KMT2E: variants seen among roughly 807,000 people sequenced by gnomAD.
The protein encoded by KMT2E is histone reader KMT2E.
A neutral mutation model predicts 184.6 loss-of-function variants in KMT2E; 30 were observed. The ratio of observed to expected loss-of-function variants is 0.16; its 90% CI spans 0.12 to 0.22. The LOEUF is 0.22. Among genes scored for constraint, KMT2E ranks in the 10% least tolerant of loss-of-function variants. KMT2E has a pLI of 1.00. For missense variants in KMT2E, 2,023 were observed against 2,237.4 expected (o/e 0.90, Z 1.93); for synonymous variants, 815 against 776.5 (o/e 1.05, Z -0.82).
chr7:105,043,437 C>T (rs377111180), intron 3 of KMT2E, among the ~76,000 whole-genome samples: 7 of 151,728 alleles, frequency 4.6e-5, no homozygotes, highest in East Asian at 1.9e-4. Context: ...GGGGTTTCAC[C>T]GTTTTAGCCG....
intron 1 of KMT2E, among the ~76,000 whole-genome samples, chr7:105,032,180 A>G (rs966300188): frequency 6.6e-6 from 1 of 152,014 alleles, no homozygotes; most frequent in Non-Finnish European, 1.5e-5. Flanking sequence ...GTGGTGGCTC[A>G]AGCCTGTAAT....
chr7:105,037,788 T>C lies in KMT2E; in HGVS notation c.-188-338T>C, dbSNP rs6944666. Among the ~76,000 whole-genome samples the C allele has an allele frequency of 9.5e-3, 1,446 of 152,320 alleles. 30 individuals are homozygous for C. The highest frequency in any genetic ancestry group is 0.033 in the African/African-American group (1,385 of 41,572). ...CATTTTTCCTACTTGAGAGTCTTGTTTGTTTTTATTGTTTTTGTTTTGGTA... is the reference window on the plus strand; with the variant it reads ...CATTTTTCCTACTTGAGAGTCTTGTCTGTTTTTATTGTTTTTGTTTTGGTA... On this transcript the variant is annotated intron_variant, in intron 1 of 26. Transcript: ENST00000311117.
At position 105,112,379 on chromosome 7, in the gene KMT2E, C is replaced by T. The variant is rs941085744; in HGVS notation, c.4623C>T (p.Ser1541=). 5 of 1,612,780 alleles carry T rather than the reference C, an allele frequency of 3.1e-6. No homozygotes were observed. Among genetic ancestry groups the T allele is most frequent in the Non-Finnish European group, 4.2e-6 (5 of 1,180,010 alleles). ...YSQFNQQSLN[S]TAPPPPPPPP... ...AGTTTAACCAACAAAGTCTGAACAGCACGGCACCACCCCCTCCACCTCCTC... is the reference window on the plus strand; with the variant it reads ...AGTTTAACCAACAAAGTCTGAACAGTACGGCACCACCCCCTCCACCTCCTC... Residue 1541 remains serine, a synonymous_variant, in exon 27 of 27, where the codon AGC becomes AGT. Coordinates refer to ENST00000311117, the MANE Select transcript of KMT2E (RefSeq NM_182931.3).
At chr7:105,028,522 G>T (rs189715070) in intron 1 of KMT2E, among the ~76,000 whole-genome samples, 25 of 151,538 alleles carry the variant, frequency 1.6e-4, no homozygotes, top group Admixed American at 5.3e-4. Context: ...TTGAGGGATG[G>T]TCTCATTCAC....
In KMT2E at chr7:105,066,711, C is replaced by CT. The variant is rs543092880; in HGVS notation, c.417-4dup. On this transcript the variant is annotated splice_polypyrimidine_tract_variant and intron_variant, in intron 5 of 26. Transcript: ENST00000311117. The stretch of plus-strand genomic sequence containing the variant: ...CTTAAATAATATTACATATGTTCTG[C>CT]TTTTTTTTTTTTAAGCGTTTGGCAA... The CT allele has an allele frequency of 0.05, 56,491 of 1,124,646 alleles. 2 individuals carry two copies. The highest frequency in any genetic ancestry group is 0.055 in the Non-Finnish European group (43,764 of 801,982). The allele number at this position is 1,124,646 out of a possible 1,614,324, so 69.7% of individuals were successfully genotyped here.
At chr7:105,044,042 G>C (rs1387294327) in intron 3 of KMT2E, among the ~76,000 whole-genome samples, 1 of 152,190 alleles carries the variant, frequency 6.6e-6, no homozygotes, top group Non-Finnish European at 1.5e-5. Context: ...AGGCTGCAGT[G>C]AGCCATGATC....
chr7:105,113,025 A>C lies in KMT2E; in HGVS notation c.5269A>C (p.Thr1757Pro). ...ACTTTTTCCTTCGAGTGCTCATCCAACTGTACCACCGTATCCCTCACAAGC... is the reference window on the plus strand; with the variant it reads ...ACTTTTTCCTTCGAGTGCTCATCCACCTGTACCACCGTATCCCTCACAAGC... ...PPLFPSSAHP[T>P]VPPYPSQATH... Residue 1757 changes from threonine (T) to proline (P), a missense_variant, in exon 27 of 27, where the codon ACT becomes CCT. Physicochemically the swap from Thr to Pro is conservative, Grantham distance 38 (BLOSUM62 -1). Coordinates refer to ENST00000311117, the MANE Select transcript of KMT2E (RefSeq NM_182931.3). 2 of 1,613,714 alleles carry C rather than the reference A, an allele frequency of 1.2e-6. No individual in the cohort carries two copies. Among genetic ancestry groups the C allele is most frequent in the Non-Finnish European group, 1.7e-6 (2 of 1,179,926 alleles).
chr7:105,091,414 A>G lies in KMT2E; in HGVS notation c.1722+100A>G, dbSNP rs754833703. The G allele has an allele frequency of 4.7e-5, 35 of 743,708 alleles. No homozygotes were observed. The South Asian group carries it at 4.7e-4, about 10-fold the overall frequency. 46.1% of individuals were successfully genotyped at this position (743,708 alleles called of 1,614,324 possible). A position where few individuals can be genotyped will look rare whatever the true frequency, so the allele number is the denominator to read the frequency against. ...GGCTTTTACATTATTCTTTGAAGTT[A>G]GCGAATGATGTGCCATTGAGCATTT... On this transcript the variant is annotated intron_variant, in intron 15 of 26. Coordinates refer to ENST00000311117, the MANE Select transcript of KMT2E (RefSeq NM_182931.3).
chr7:105,103,917 T>G (rs973282635), intron 17 of KMT2E: 1 of 143,470 alleles, frequency 7.0e-6, no homozygotes, highest in South Asian at 2.3e-4. Flanking sequence ...AAGCTCCGCC[T>G]CCCGGGTTCA....
chr7:105,100,081 C>T (rs1020952251), intron 15 of KMT2E, among the ~76,000 whole-genome samples: 9 of 152,114 alleles, frequency 5.9e-5, no homozygotes, highest in East Asian at 1.9e-4. Context: ...AGTGTTTGCC[C>T]GTCCCAGACT....
chr7:105,064,192 T>TTTTTTTTTTGG (rs1796939969), intron 5 of KMT2E: 1 of 291,978 alleles, frequency 3.4e-6, no homozygotes, highest in African/African-American at 2.8e-5. Flanking sequence ...TTTTTTTTTT[T>TTTTTTTTTTGG]GACTGGGGGG....
At chr7:105,059,782 A>T (rs1376140424) in intron 3 of KMT2E, among the ~76,000 whole-genome samples, 1 of 152,092 alleles carries the variant, frequency 6.6e-6, no homozygotes. Flanking sequence ...AGAGAAAGAT[A>T]CATGGCAATA....
At chr7:105,096,510 C>G (rs1388697555) in intron 15 of KMT2E, among the ~76,000 whole-genome samples, 1 of 152,026 alleles carries the variant, frequency 6.6e-6, no homozygotes, top group African/African-American at 2.4e-5. Context: ...ACAAGGAAGT[C>G]ACGTAGGCAA....
At chr7:105,032,013 C>T (rs1435182617) in intron 1 of KMT2E, among the ~76,000 whole-genome samples, 1 of 141,294 alleles carries the variant, frequency 7.1e-6, no homozygotes, top group Non-Finnish European at 1.5e-5. Flanking sequence ...TTACAGTCAG[C>T]CGAAATCACA....
At chr7:105,081,243 G>A (rs1258317027) in intron 12 of KMT2E, among the ~76,000 whole-genome samples, 2 of 151,948 alleles carry the variant, frequency 1.3e-5, no homozygotes, top group East Asian at 3.9e-4. Context: ...AATAAGCCGG[G>A]CATGGTGGCA....
intron 1 of KMT2E, among the ~76,000 whole-genome samples, chr7:105,024,498 C>G (rs1310744866): frequency 6.6e-6 from 1 of 152,102 alleles, no homozygotes; most frequent in Non-Finnish European, 1.5e-5. Context: ...TAAGAGAACT[C>G]TTTGTTATTT....
intron 15 of KMT2E, among the ~76,000 whole-genome samples, chr7:105,099,916 C>T (rs148608234): frequency 6.6e-5 from 10 of 152,212 alleles, no homozygotes; most frequent in African/African-American, 2.2e-4. Context: ...TTTAGAGAAG[C>T]CCTGATAAAA....
chr7:105,089,348 G>T (rs1297510247), intron 13 of KMT2E: 2 of 334,906 alleles, frequency 6.0e-6, no homozygotes, highest in South Asian at 4.2e-5. Flanking sequence ...ACAGGTGCCT[G>T]CCACCATGGC....
chr7:105,101,853 T>C (rs781764907), intron 16 of KMT2E, 33 bp from the exon 17 acceptor site: 3 of 1,523,112 alleles, frequency 2.0e-6, no homozygotes, highest in Non-Finnish European at 2.7e-6. Flanking sequence ...ATATGTAGTA[T>C]AAAAACTTCC....
Sources: gnomAD v4.1 joint callset for allele counts (sites outside exome capture counted in the v4.1 genomes callset) on GRCh38, gnomAD v4.1.1 for gene constraint, MANE v1.5 for transcripts, NCBI Gene and HGNC (gene_info 2026-07-23, HGNC 2026-07-21) for gene names.